Variants in CARS2 observed in about 807,000 individuals in gnomAD.
CARS2 encodes cysteinyl-tRNA synthetase 2, mitochondrial, also known as probable cysteine--tRNA ligase, mitochondrial.
Under a neutral mutation model 68.8 loss-of-function variants are expected in CARS2, and 52 were observed. The ratio of observed to expected loss-of-function variants is 0.76; its 90% CI spans 0.61 to 0.95. CARS2 has a LOEUF of 0.95. CARS2 is among the 40% of genes least tolerant of loss of function. The pLI is 0.00. For synonymous variants in CARS2, 314 were observed against 303.6 expected (o/e 1.03, Z -0.36); for missense variants, 780 against 754.2 (o/e 1.03, Z -0.40).
upstream of CARS2, among the ~76,000 whole-genome samples, chr13:110,711,379 A>AT (rs906245578): frequency 2.6e-5 from 4 of 152,000 alleles, no homozygotes; most frequent in African/African-American, 9.7e-5. Context: ...TGCCCTGCTA[A>AT]TTTTTTGTAT....
intron 10 of CARS2, chr13:110,648,507 C>G (rs2062109470): frequency 1.3e-5 from 2 of 152,298 alleles, no homozygotes; most frequent in African/African-American, 4.8e-5. Context: ...CACCGTCCCC[C>G]TCCATCTTCC....
At position 110,641,481 on chromosome 13, in the gene CARS2, C is replaced by T. The variant is rs933028727; in HGVS notation, c.*56G>A. The T allele has an allele frequency of 4.3e-6, 6 of 1,392,938 alleles. No individual in the cohort carries two copies. Among genetic ancestry groups the T allele is most frequent in the Middle Eastern group, 1.8e-4 (1 of 5,636 alleles). 86.3% of individuals were successfully genotyped at this position (1,392,938 alleles called of 1,614,324 possible). ...AGGAAGCTTTAACATAAAGCCTTGACCCTGAGAAGCATGGGTGCGTCTTGT... is the reference window on the plus strand; with the variant it reads ...AGGAAGCTTTAACATAAAGCCTTGATCCTGAGAAGCATGGGTGCGTCTTGT... On this transcript the variant is annotated 3_prime_UTR_variant, in exon 15 of 15. Transcript: ENST00000257347.
chr13:110,641,661 C>T (rs997038270), intron 14 of CARS2, 53 bp from the exon 15 acceptor site: 18 of 1,430,498 alleles, frequency 1.3e-5, no homozygotes, highest in African/African-American at 1.1e-4. Flanking sequence ...TCATGTGGCA[C>T]AGGGGGCTGA....
intron 6 of CARS2, among the ~76,000 whole-genome samples, chr13:110,680,648 A>T (rs2063132518): frequency 2.0e-5 from 3 of 152,186 alleles, no homozygotes; most frequent in Admixed American, 2.0e-4. Flanking sequence ...CACACAGGAC[A>T]GAGGGAAATG....
intron 12 of CARS2, 144 bp from the exon 13 acceptor site, chr13:110,644,627 T>C (rs1484874213): frequency 5.0e-6 from 7 of 1,409,220 alleles, no homozygotes; most frequent in Non-Finnish European, 4.7e-6. Context: ...AGGACACAGC[T>C]CTGGCATCGG....
chr13:110,696,754 A>T (rs539441833), intron 3 of CARS2, among the ~76,000 whole-genome samples: 25 of 152,330 alleles, frequency 1.6e-4, no homozygotes, highest in South Asian at 4.1e-4. Context: ...TAACATTTTT[A>T]AAAAAGTTAA....
rs745633983 is a variant in CARS2, at chr13:110,647,233, T to C, written c.1061A>G (p.Asp354Gly). 51 of 1,612,360 alleles carry C rather than the reference T, an allele frequency of 3.2e-5. No homozygotes were observed. The highest frequency in any genetic ancestry group is 1.0e-4 in the Admixed American group (6 of 59,988). ...TTGGAGCATGGCGCTGTCACTGTAG[T>C]CGATGGCTGAGGAGGAAGAGATGGT... is the stretch of plus-strand genomic sequence containing the variant. ...CLRSSYRSAIDYSDSAMLQAQ... is the reference protein window; with the variant it reads ...CLRSSYRSAIGYSDSAMLQAQ... The change falls in exon 11 of 15, where the codon GAC (aspartate) becomes GGC (glycine). Residue 354 changes from aspartate to glycine, a missense_variant. Physicochemically the swap from Asp to Gly is moderately conservative, Grantham distance 94. Coordinates refer to ENST00000257347, the MANE Select transcript of CARS2 (RefSeq NM_024537.4).
chr13:110,680,156 G>A (rs1001974992), intron 6 of CARS2, among the ~76,000 whole-genome samples: 9 of 121,428 alleles, frequency 7.4e-5, no homozygotes, highest in African/African-American at 2.2e-4. Flanking sequence ...GAGGGGGGGG[G>A]GGGGGGGGGT....
rs756303536 is a variant in CARS2, at chr13:110,642,501, G to T, written c.1437C>A (p.Ser479Arg). 3 of 1,607,552 alleles carry T rather than the reference G, an allele frequency of 1.9e-6. No individual in the cohort carries two copies. The highest frequency in any genetic ancestry group is 4.5e-5 in the East Asian group (2 of 44,614). The change falls in exon 14 of 15, where the codon AGC (serine) becomes AGA (arginine). Residue 479 changes from serine (S) to arginine (R), a missense_variant. Ser to Arg is a moderately radical substitution (Grantham distance 110). Coordinates refer to ENST00000257347, the MANE Select transcript of CARS2 (RefSeq NM_024537.4). ...CCACCACACCATGCAAGGTAGCCTC[G>T]CTGCCGTCTCCTGAAACGTACTGAA... ...ANQQYVSGDGSEATLHGVVDE... is the reference protein window; with the variant it reads ...ANQQYVSGDGREATLHGVVDE...
intron 2 of CARS2, among the ~76,000 whole-genome samples, 198 bp from the exon 3 acceptor site, chr13:110,701,753 C>A (rs2063794458): frequency 6.6e-6 from 1 of 152,226 alleles, no homozygotes; most frequent in African/African-American, 2.4e-5. Context: ...TCAGGAGAAA[C>A]TGACAAAGGT....
chr13:110,710,107 G>A (rs902630429), upstream of CARS2, among the ~76,000 whole-genome samples: 11 of 152,112 alleles, frequency 7.2e-5, no homozygotes, highest in Non-Finnish European at 4.4e-5. Flanking sequence ...TTGGCCAGGC[G>A]CGGTGGTTCA....
At chr13:110,663,258 G>T (rs1204956120) in intron 9 of CARS2, among the ~76,000 whole-genome samples, 193 bp downstream of exon 9, 1 of 152,080 alleles carries the variant, frequency 6.6e-6, no homozygotes, top group Non-Finnish European at 1.5e-5. Flanking sequence ...ACCTGCGGGA[G>T]GCGCACAGCT....
intron 3 of CARS2, among the ~76,000 whole-genome samples, chr13:110,700,798 A>G (rs1334123524): frequency 6.6e-6 from 1 of 152,250 alleles, no homozygotes; most frequent in Non-Finnish European, 1.5e-5. Context: ...CTCAGTAAAG[A>G]GAAAGTCAAG....
At chr13:110,675,748 G>C (rs2062930171) in intron 7 of CARS2, among the ~76,000 whole-genome samples, 1 of 152,136 alleles carries the variant, frequency 6.6e-6, no homozygotes, top group East Asian at 1.9e-4. Flanking sequence ...ACATACGCGT[G>C]GTTATTCACT....
intron 3 of CARS2, 60 bp downstream of exon 3, chr13:110,701,378 G>T: frequency 1.2e-6 from 1 of 857,166 alleles, no homozygotes; most frequent in South Asian, 1.4e-5. Flanking sequence ...ACCACTTTCA[G>T]GAAGGGCTCA....
chr13:110,642,817 C>A (rs769680816), intron 13 of CARS2: 2 of 653,360 alleles, frequency 3.1e-6, no homozygotes, highest in African/African-American at 1.8e-5. Flanking sequence ...TGAACACAAA[C>A]GCTCCCTGGC....
At chr13:110,661,405 A>G (rs1265029276) in intron 9 of CARS2, among the ~76,000 whole-genome samples, 3 of 152,218 alleles carry the variant, frequency 2.0e-5, no homozygotes, top group Non-Finnish European at 4.4e-5. Flanking sequence ...AGAACTGAAG[A>G]AAGTTAGGGC....
chr13:110,653,676 T>TG lies in CARS2; in HGVS notation c.988-2577dup, dbSNP rs1354924713. ...ATTAAAGGCTTATCTTCCCTGCTCT[T>TG]GCGGGGGCGGGCGCTACTGCAGCGA... On this transcript the variant is annotated intron_variant, in intron 9 of 14. Transcript: ENST00000257347. The surrounding 1 kb of genome is among the most constrained non-coding windows in gnomAD (Gnocchi z 5.6). 3.9e-5 allele frequency among the ~76,000 whole-genome samples: 6 copies of TG among 152,252 alleles called. No homozygotes were observed. The highest frequency in any genetic ancestry group is 1.4e-4 in the African/African-American group (6 of 41,466).
At chr13:110,673,993 C>A (rs2139793886) in intron 7 of CARS2, among the ~76,000 whole-genome samples, 1 of 152,220 alleles carries the variant, frequency 6.6e-6, no homozygotes, top group African/African-American at 2.4e-5. Flanking sequence ...CCTAGGAATC[C>A]AACTTACAAG....
Sources: allele counts gnomAD v4.1 joint callset (sites outside exome capture counted in the v4.1 genomes callset), GRCh38; gene constraint gnomAD v4.1.1; non-coding constraint Gnocchi (gnomAD v3.1); transcripts MANE v1.5; gene names NCBI Gene and HGNC (gene_info 2026-07-23, HGNC 2026-07-21).